Variants in MTA3 observed in about 807,000 individuals in gnomAD.
MTA3 encodes metastasis associated 1 family member 3.
MTA3 carries 34 observed loss-of-function variants against 83.5 expected under a neutral mutation model. The ratio of observed to expected loss-of-function variants is 0.41; its 90% CI spans 0.31 to 0.54. The LOEUF (loss-of-function observed/expected upper bound fraction) is 0.54. MTA3 is among the 20% of genes least tolerant of loss of function. The probability of loss-of-function intolerance (pLI) is 0.33; values close to 1 mark genes in which losing one functional copy is unlikely to be tolerated. For missense variants in MTA3, 761 were observed against 726.4 expected (o/e 1.05, Z -0.55); for synonymous variants, 303 against 252.7 (o/e 1.20, Z -1.89).
intron 2 of MTA3, among the ~76,000 whole-genome samples, chr2:42,515,314 C>T (rs1392009496): frequency 6.6e-6 from 1 of 152,042 alleles, no homozygotes; most frequent in African/African-American, 2.4e-5. Flanking sequence ...CCACCTCAGC[C>T]TCCCAAAGTG....
At chr2:42,629,931 A>AT (rs2104248583) in intron 4 of MTA3, among the ~76,000 whole-genome samples, 1 of 152,044 alleles carries the variant, frequency 6.6e-6, no homozygotes, top group East Asian at 1.9e-4. Context: ...GCGGCCTGTC[A>AT]CCACACCCGG....
chr2:42,582,019 GTAT>G, intron 3 of MTA3: 1 of 153,000 alleles, frequency 6.5e-6, no homozygotes, highest in East Asian at 1.9e-4. Flanking sequence ...CAAAATGCTG[GTAT>G]TACAGGCATG....
At chr2:42,516,738 G>A (rs1675162710) in intron 2 of MTA3, among the ~76,000 whole-genome samples, 1 of 152,190 alleles carries the variant, frequency 6.6e-6, no homozygotes. Flanking sequence ...ATTAAAGTAT[G>A]CAAAGAAATT....
intron 8 of MTA3, among the ~76,000 whole-genome samples, chr2:42,673,623 T>A (rs985837832): frequency 1.3e-5 from 2 of 152,138 alleles, no homozygotes; most frequent in African/African-American, 2.4e-5. Context: ...TATTAGGGAT[T>A]CCCCTTGGGA....
chr2:42,561,093 A>G (rs1047909641), intron 2 of MTA3, among the ~76,000 whole-genome samples: 3 of 152,228 alleles, frequency 2.0e-5, no homozygotes, highest in Admixed American at 6.6e-5. Flanking sequence ...TGTCATGATC[A>G]GGTCAGGCTG....
At chr2:42,692,052 T>C (rs1216511285) in intron 9 of MTA3, among the ~76,000 whole-genome samples, 1 of 152,226 alleles carries the variant, frequency 6.6e-6, no homozygotes, top group African/African-American at 2.4e-5. Flanking sequence ...TTGAATAATC[T>C]TCCTGCCCCT....
At position 42,568,668 on chromosome 2, in the gene MTA3, C is replaced by G. The variant is rs1365742076; in HGVS notation, c.-78C>G. 10 of 1,081,358 alleles carry G rather than the reference C, an allele frequency of 9.2e-6. No homozygotes were observed. Among genetic ancestry groups the G allele is most frequent in the Non-Finnish European group, 1.1e-5 (10 of 873,482 alleles). 67.0% of individuals were successfully genotyped at this position (1,081,358 alleles called of 1,614,324 possible). A position where few individuals can be genotyped will look rare whatever the true frequency, so the allele number is the denominator to read the frequency against. On this transcript the variant is annotated 5_prime_UTR_variant, in exon 1 of 17. Coordinates refer to ENST00000405094, the MANE Select transcript of MTA3 (RefSeq NM_001330442.2). ...GCAGCGACGGCGGCGGCGGCAGCGG[C>G]GGTCGCGGCTGAGGCTGAGGAGGAG...
intron 2 of MTA3, among the ~76,000 whole-genome samples, chr2:42,520,615 A>G (rs1675380982): frequency 6.6e-6 from 1 of 150,428 alleles, no homozygotes; most frequent in South Asian, 2.1e-4. Context: ...GGGTCTCACT[A>G]TGTTGTCCAG....
chr2:42,650,235 C>T (rs967629259), intron 6 of MTA3, among the ~76,000 whole-genome samples: 3 of 152,054 alleles, frequency 2.0e-5, no homozygotes, highest in South Asian at 2.1e-4. Context: ...TTAGTTGTCA[C>T]GTCTGGTAGA....
chr2:42,495,146 T>C (rs1674074803), intron 1 of MTA3: 1 of 152,654 alleles, frequency 6.6e-6, no homozygotes, highest in Non-Finnish European at 1.5e-5. Flanking sequence ...TGCCCTCTAC[T>C]TTTCGTAATT....
chr2:42,705,110 G>A (rs1573693053), intron 12 of MTA3, among the ~76,000 whole-genome samples: 1 of 152,186 alleles, frequency 6.6e-6, no homozygotes, highest in Non-Finnish European at 1.5e-5. Flanking sequence ...CCTTCAGGAA[G>A]GATATAGGAA....
At chr2:42,521,002 A>T (rs1437726573) in intron 2 of MTA3, among the ~76,000 whole-genome samples, 1 of 152,174 alleles carries the variant, frequency 6.6e-6, no homozygotes, top group Non-Finnish European at 1.5e-5. Context: ...CCTTGTTGGC[A>T]TCACATCTCT....
intron 4 of MTA3, among the ~76,000 whole-genome samples, chr2:42,625,822 C>T (rs574812712): frequency 1.2e-4 from 18 of 150,780 alleles, no homozygotes; most frequent in Non-Finnish European, 2.2e-4. Context: ...CTATTATCTG[C>T]ATGCACAGTT....
intron 8 of MTA3, among the ~76,000 whole-genome samples, chr2:42,660,572 T>G (rs1689598231): frequency 6.6e-6 from 1 of 152,200 alleles, no homozygotes; most frequent in Non-Finnish European, 1.5e-5. Context: ...AAAGTGGACC[T>G]GTGAGTTTTT....
At chr2:42,551,398 C>T (rs1444803778) in intron 2 of MTA3, among the ~76,000 whole-genome samples, 5 of 151,904 alleles carry the variant, frequency 3.3e-5, no homozygotes, top group African/African-American at 9.7e-5. Flanking sequence ...ACCACGTTGG[C>T]CACCCTGTTC....
At chr2:42,668,269 T>C (rs552649209) in intron 8 of MTA3, among the ~76,000 whole-genome samples, 49 of 152,348 alleles carry the variant, frequency 3.2e-4, no homozygotes, top group African/African-American at 1.2e-3. Flanking sequence ...GCTGCTCAGG[T>C]TGGCTGGAAG....
At chr2:42,500,691 A>G (rs183349931) in intron 2 of MTA3, among the ~76,000 whole-genome samples, 1 of 152,282 alleles carries the variant, frequency 6.6e-6, no homozygotes, top group East Asian at 1.9e-4. Flanking sequence ...GACTGACAAA[A>G]GATAAATTAA....
At chr2:42,496,222 C>T (rs1674124172) in intron 2 of MTA3, among the ~76,000 whole-genome samples, 3 of 152,108 alleles carry the variant, frequency 2.0e-5, no homozygotes, top group African/African-American at 7.2e-5. Flanking sequence ...CAATGTGTGC[C>T]TCCTAGGTAT....
intron 8 of MTA3, among the ~76,000 whole-genome samples, chr2:42,661,857 CT>C (rs992040046): frequency 9.9e-5 from 15 of 151,966 alleles, no homozygotes; most frequent in African/African-American, 3.1e-4. Flanking sequence ...GGTTAAAAAA[CT>C]TTTTTTTCAA....
Sources: gnomAD v4.1 joint callset for allele counts (sites outside exome capture counted in the v4.1 genomes callset) on GRCh38, gnomAD v4.1.1 for gene constraint, MANE v1.5 for transcripts, NCBI Gene and HGNC (gene_info 2026-07-23, HGNC 2026-07-21) for gene names.